The following SNTG2 variants were observed in gnomAD, a reference collection of about 807,000 sequenced individuals.
SNTG2 encodes the protein syntrophin gamma 2.
SNTG2 carries 74 observed loss-of-function variants against 70.9 expected under a neutral mutation model. The observed-to-expected ratio is 1.04, with a 90% CI of 0.86 to 1.27. The LOEUF (loss-of-function observed/expected upper bound fraction) is 1.27. Ranked by LOEUF, SNTG2 falls within the 50% of genes most tolerant of loss-of-function variation. The pLI, the probability that SNTG2 is intolerant of heterozygous loss-of-function variation, is 0.00. For synonymous variants in SNTG2, 278 were observed against 273.8 expected (o/e 1.02, Z -0.15); for missense variants, 717 against 690.7 (o/e 1.04, Z -0.43).
At chr2:980,015 A>T (rs1661048538) in intron 1 of SNTG2, among the ~76,000 whole-genome samples, 1 of 152,252 alleles carries the variant, frequency 6.6e-6, no homozygotes, top group South Asian at 2.1e-4. Flanking sequence ...TTTTTAATGG[A>T]TGAAATCTTT....
chr2:1,315,478 C>CAA (rs201017128), intron 15 of SNTG2, among the ~76,000 whole-genome samples: 18 of 145,240 alleles, frequency 1.2e-4, no homozygotes, highest in African/African-American at 4.3e-4. Flanking sequence ...TATGGCTTGC[C>CAA]AAAAAAAAAA....
At chr2:1,191,186 A>G (rs963701199) in intron 8 of SNTG2, among the ~76,000 whole-genome samples, 12 of 152,220 alleles carry the variant, frequency 7.9e-5, no homozygotes, top group Admixed American at 6.5e-4. Flanking sequence ...AAAATTTGCA[A>G]TTTCTCCCTT....
At chr2:981,520 A>G (rs1002516902) in intron 1 of SNTG2, among the ~76,000 whole-genome samples, 1 of 152,008 alleles carries the variant, frequency 6.6e-6, no homozygotes, top group Non-Finnish European at 1.5e-5. Flanking sequence ...AAGCACTCAC[A>G]CATGTTCCAA....
intron 7 of SNTG2, among the ~76,000 whole-genome samples, chr2:1,169,960 T>C (rs28479095): frequency 0.32 from 48,368 of 152,076 alleles, 8,269 homozygotes; most frequent in East Asian, 0.65. Context: ...ATAATCTCTC[T>C]ATAAATTCAG....
chr2:1,148,698 G>A (rs1377678326), intron 6 of SNTG2, among the ~76,000 whole-genome samples: 1 of 152,250 alleles, frequency 6.6e-6, no homozygotes, highest in African/African-American at 2.4e-5. Flanking sequence ...AGCATGAAAT[G>A]AGAGTGAACA....
chr2:963,128 CT>C (rs536709827), intron 1 of SNTG2, among the ~76,000 whole-genome samples: 31 of 151,660 alleles, frequency 2.0e-4, no homozygotes, highest in Middle Eastern at 3.4e-3. Context: ...ATGATTTGAG[CT>C]TTTTTTAAAA....
chr2:1,310,432 A>G (rs1680924380), intron 15 of SNTG2, among the ~76,000 whole-genome samples: 1 of 152,216 alleles, frequency 6.6e-6, no homozygotes, highest in Non-Finnish European at 1.5e-5. Flanking sequence ...AGAGGGTCTC[A>G]GCACAGGAAG....
At chr2:1,274,630 C>G (rs1177863227) in intron 14 of SNTG2, among the ~76,000 whole-genome samples, 1 of 152,130 alleles carries the variant, frequency 6.6e-6, no homozygotes, top group East Asian at 1.9e-4. Context: ...CCATTCTGCC[C>G]TCGATCAGGA....
rs376432200 is a variant in SNTG2, at chr2:1,137,874, T to C, written c.411+65T>C. The C allele has an allele frequency of 4.3e-5, 61 of 1,423,050 alleles. No individual in the cohort carries two copies. In the African/African-American group the frequency reaches 8.0e-4, roughly 19 times the overall value. 88.2% of individuals were successfully genotyped at this position (1,423,050 alleles called of 1,614,324 possible). A position where few individuals can be genotyped will look rare whatever the true frequency, so the allele number is the denominator to read the frequency against. ...CTTGTATTTGAATTATTTGTCTCTA[T>C]AGTTGATATTTCACTGAGTCTATCC... On this transcript the variant is annotated intron_variant, in intron 6 of 16. Coordinates refer to ENST00000308624, the MANE Select transcript of SNTG2 (RefSeq NM_018968.4).
chr2:1,020,807 TTC>T (rs929297220), intron 1 of SNTG2, among the ~76,000 whole-genome samples: 10 of 152,178 alleles, frequency 6.6e-5, no homozygotes, highest in Non-Finnish European at 1.2e-4. Flanking sequence ...ACTCACAGAC[TTC>T]TCTGTTTTTA....
At chr2:1,202,001 A>T (rs1205987319) in intron 8 of SNTG2, among the ~76,000 whole-genome samples, 1 of 152,078 alleles carries the variant, frequency 6.6e-6, no homozygotes, top group Admixed American at 6.5e-5. Flanking sequence ...GCTTATTTTT[A>T]AAAATAAATT....
chr2:1,317,237 T>C lies in SNTG2; in HGVS notation c.1488+862T>C, dbSNP rs555332313. ...TGGAACATTTAGCGTCCGGCCAGCATTGGAGAAGGTTGGGATTCTGGAGCA... is the reference window on the plus strand; with the variant it reads ...TGGAACATTTAGCGTCCGGCCAGCACTGGAGAAGGTTGGGATTCTGGAGCA... On this transcript the variant is annotated intron_variant, in intron 16 of 16. Coordinates refer to ENST00000308624, the MANE Select transcript of SNTG2 (RefSeq NM_018968.4). 2.3e-5 allele frequency among the ~76,000 whole-genome samples: 2 copies of C among 87,814 alleles called. 1 individual carries two copies. The highest frequency in any genetic ancestry group is 6.0e-4 in the East Asian group (2 of 3,340). 57.6% of individuals were successfully genotyped at this position (87,814 alleles called of 152,430 possible).
intron 8 of SNTG2, among the ~76,000 whole-genome samples, chr2:1,179,032 G>A: frequency 6.6e-6 from 1 of 152,128 alleles, no homozygotes; most frequent in Non-Finnish European, 1.5e-5. Flanking sequence ...TTAGTCTTGG[G>A]AGGGTGTATG....
chr2:1,306,426 G>A (rs932391324), intron 14 of SNTG2, among the ~76,000 whole-genome samples: 8 of 152,192 alleles, frequency 5.3e-5, no homozygotes, highest in Non-Finnish European at 1.2e-4. Flanking sequence ...AAGGTTGACA[G>A]GCATGAAGAT....
chr2:1,212,997 G>T (rs1674145946), intron 9 of SNTG2, among the ~76,000 whole-genome samples: 2 of 152,222 alleles, frequency 1.3e-5, no homozygotes, highest in Non-Finnish European at 1.5e-5. Flanking sequence ...GGATGAAGAG[G>T]TTGGAAGCCA....
At chr2:1,276,585 C>G (rs1679278523) in intron 14 of SNTG2, among the ~76,000 whole-genome samples, 1 of 152,202 alleles carries the variant, frequency 6.6e-6, no homozygotes, top group African/African-American at 2.4e-5. Context: ...ATTGACAATG[C>G]AATTGGTCAC....
In SNTG2 at chr2:1,060,192, A is replaced by C. The variant is rs571021288; in HGVS notation, c.73-23326A>C. Reference sequence around the variant, plus strand: ...AGGTTTGATAAATGTAATTACACTAAAATAAAACATTTAAATTAAAGGAAG... The same window carrying C: ...AGGTTTGATAAATGTAATTACACTACAATAAAACATTTAAATTAAAGGAAG... On this transcript the variant is annotated intron_variant, in intron 1 of 16. Coordinates refer to ENST00000308624, the MANE Select transcript of SNTG2 (RefSeq NM_018968.4). Among the ~76,000 whole-genome samples the C allele has an allele frequency of 7.9e-5, 12 of 152,352 alleles. No homozygotes were observed. The South Asian group carries it at 1.7e-3, about 21-fold the overall frequency.
intron 1 of SNTG2, among the ~76,000 whole-genome samples, chr2:995,114 G>T (rs1372858714): frequency 2.0e-5 from 3 of 151,800 alleles, no homozygotes; most frequent in Admixed American, 1.3e-4. Context: ...AATGGAAGTG[G>T]CAAGAATAAA....
chr2:1,356,571 A>T (rs1660863330), intron 16 of SNTG2, among the ~76,000 whole-genome samples: 1 of 152,136 alleles, frequency 6.6e-6, no homozygotes. Context: ...ACCATTGATT[A>T]CTGTGGCTTT....
Sources: allele counts gnomAD v4.1 joint callset (sites outside exome capture counted in the v4.1 genomes callset), GRCh38; gene constraint gnomAD v4.1.1; transcripts MANE v1.5; gene names NCBI Gene and HGNC (gene_info 2026-07-23, HGNC 2026-07-21).